Variants in SLC1A1 observed in about 807,000 individuals in gnomAD.
SLC1A1 encodes excitatory amino acid transporter 3.
SLC1A1 carries 43 observed loss-of-function variants against 53.3 expected under a neutral mutation model. That is an observed-to-expected ratio of 0.81 (90% CI 0.63 to 1.04). The LOEUF (loss-of-function observed/expected upper bound fraction) is 1.04, where lower values mean the gene tolerates loss of function less well. Ranked by LOEUF, SLC1A1 falls within the 50% of genes least tolerant of loss-of-function variation. SLC1A1 has a pLI of 0.00. For synonymous variants in SLC1A1, 307 were observed against 243.2 expected, an observed-to-expected ratio of 1.26 and a Z score of -2.44; for missense variants, 748 against 664.9, an observed-to-expected ratio of 1.12 and a Z score of -1.37.
chr9:4,508,391 TG>T (rs1319819703), intron 1 of SLC1A1, among the ~76,000 whole-genome samples: 8 of 152,288 alleles, frequency 5.3e-5, no homozygotes. Context: ...ACCCACCTGC[TG>T]GGCTCTAAGC....
chr9:4,526,976 G>C (rs1207829714), intron 1 of SLC1A1, among the ~76,000 whole-genome samples: 1 of 152,118 alleles, frequency 6.6e-6, no homozygotes, highest in Non-Finnish European at 1.5e-5. Flanking sequence ...CTAATCAGTT[G>C]ATTTTGAGTT....
intron 1 of SLC1A1, among the ~76,000 whole-genome samples, chr9:4,528,482 A>G (rs1356630826): frequency 6.6e-6 from 1 of 152,152 alleles, no homozygotes; most frequent in South Asian, 2.1e-4. Context: ...AGACTGAGGC[A>G]GGAGAATGGC....
intron 1 of SLC1A1, among the ~76,000 whole-genome samples, chr9:4,504,706 A>G (rs1165947108): frequency 6.6e-6 from 1 of 152,124 alleles, no homozygotes; most frequent in Non-Finnish European, 1.5e-5. Flanking sequence ...AAGATTTTTG[A>G]TTGTGTTATG....
chr9:4,516,196 C>T (rs1201368833), intron 1 of SLC1A1, among the ~76,000 whole-genome samples: 1 of 152,238 alleles, frequency 6.6e-6, no homozygotes, highest in East Asian at 1.9e-4. Context: ...AGCCCTTCAC[C>T]CTAGGCATCC....
intron 6 of SLC1A1, among the ~76,000 whole-genome samples, chr9:4,570,263 C>T (rs549931225): frequency 2.0e-5 from 3 of 152,342 alleles, no homozygotes; most frequent in East Asian, 3.9e-4. Context: ...GTCTCTCCAG[C>T]TGAATCTTAA....
chr9:4,517,362 G>C (rs142511284), intron 1 of SLC1A1, among the ~76,000 whole-genome samples: 232 of 152,274 alleles, frequency 1.5e-3, no homozygotes, highest in African/African-American at 5.3e-3. Flanking sequence ...CTTGTCTTCT[G>C]TCTTGTCCTG....
intron 3 of SLC1A1, among the ~76,000 whole-genome samples, chr9:4,562,428 A>C (rs983804550): frequency 7.2e-5 from 11 of 152,194 alleles, no homozygotes; most frequent in African/African-American, 2.7e-4. Flanking sequence ...GTTGAGTATA[A>C]TTATAAAATA....
rs1240649032 is a variant in SLC1A1, at chr9:4,549,842, G to C, written c.232+5135G>C. ...TTGTAGAACCTGGGAGTCTGTCCAG[G>C]TCAGGCTGGGCCAAGTCCATGCCAG... is the stretch of plus-strand genomic sequence containing the variant. On this transcript the variant is annotated intron_variant, in intron 2 of 11. Transcript: ENST00000262352. This position sits in a 1 kb window ranked among gnomAD's most constrained non-coding sequence, Gnocchi z 4.1. Among the ~76,000 whole-genome samples, 1 of 152,158 alleles carries C rather than the reference G, an allele frequency of 6.6e-6. No homozygotes were observed. Among genetic ancestry groups the C allele is most frequent in the African/African-American group, 2.4e-5 (1 of 41,422 alleles).
chr9:4,566,388 C>A (rs1819488579), intron 5 of SLC1A1, among the ~76,000 whole-genome samples: 1 of 152,160 alleles, frequency 6.6e-6, no homozygotes, highest in Non-Finnish European at 1.5e-5. Flanking sequence ...TAAAATGTGG[C>A]CTCCAGTACC....
intron 2 of SLC1A1, among the ~76,000 whole-genome samples, chr9:4,548,373 A>C (rs1214150119): frequency 2.6e-5 from 4 of 152,234 alleles, no homozygotes; most frequent in Non-Finnish European, 4.4e-5. Context: ...AGGAGGATGC[A>C]GGTGGGAAGC....
At chr9:4,543,848 AAT>A (rs1490426379) in intron 1 of SLC1A1, among the ~76,000 whole-genome samples, 1 of 152,188 alleles carries the variant, frequency 6.6e-6, no homozygotes, top group Non-Finnish European at 1.5e-5. Flanking sequence ...TTATAATAAA[AAT>A]ATGAGAAAAA....
intron 2 of SLC1A1, among the ~76,000 whole-genome samples, chr9:4,552,323 G>A (rs1413273028): frequency 6.6e-6 from 1 of 152,198 alleles, no homozygotes; most frequent in Non-Finnish European, 1.5e-5. Context: ...AATGAGGTCA[G>A]TGCAGGGGAC....
At chr9:4,545,119 A>G (rs1279093697) in intron 2 of SLC1A1, among the ~76,000 whole-genome samples, 1 of 151,688 alleles carries the variant, frequency 6.6e-6, no homozygotes, top group Non-Finnish European at 1.5e-5. Context: ...GTCATTCTCT[A>G]TGATTATTTA....
intron 2 of SLC1A1, among the ~76,000 whole-genome samples, chr9:4,557,591 G>A (rs1374962996): frequency 6.6e-6 from 1 of 151,586 alleles, no homozygotes; most frequent in East Asian, 1.9e-4. Flanking sequence ...TTCAAGACCA[G>A]CCTGGGCAAC....
intron 1 of SLC1A1, among the ~76,000 whole-genome samples, chr9:4,499,746 A>G (rs1460739522): frequency 2.0e-5 from 3 of 152,254 alleles, no homozygotes; most frequent in Non-Finnish European, 4.4e-5. Context: ...ATATCTTGTT[A>G]GATGTTGCTT....
In SLC1A1 at chr9:4,531,747, C is replaced by G. The variant is rs906358532; in HGVS notation, c.92-12820C>G. Among the ~76,000 whole-genome samples the G allele has an allele frequency of 2.6e-5, 4 of 152,172 alleles. No individual in the cohort carries two copies. In the East Asian group the frequency reaches 7.7e-4, roughly 29 times the overall value. On this transcript the variant is annotated intron_variant, in intron 1 of 11. Coordinates refer to ENST00000262352, the MANE Select transcript of SLC1A1 (RefSeq NM_004170.6). ...ACACAGCTGGACATCTGAGAACAGG[C>G]AGACAGCCTCCTCAAGTGGGTCCCT...
Position 4,583,172 on chromosome 9 carries a change from T to C in SLC1A1, c.1328T>C (p.Leu443Pro), listed in dbSNP as rs753328274. Reference sequence around the variant, plus strand: ...CTGATCATTGCTGTCGACTGGCTCCTGTGAGTTGGAATAAATGCACTGCCT... The same window carrying C: ...CTGATCATTGCTGTCGACTGGCTCCCGTGAGTTGGAATAAATGCACTGCCT... ...VTLIIAVDWLLDRFRTMVNVL... is the reference protein window; with the variant it reads ...VTLIIAVDWLPDRFRTMVNVL... The change falls in exon 11 of 12, where the codon CTG (leucine) becomes CCG (proline). Residue 443 changes from leucine (L) to proline (P), a missense_variant and splice_region_variant. Coordinates refer to ENST00000262352, the MANE Select transcript of SLC1A1 (RefSeq NM_004170.6). This position sits in a 1 kb window ranked among gnomAD's most constrained non-coding sequence, Gnocchi z 4.6. The C allele has an allele frequency of 6.2e-7, 1 of 1,614,222 alleles. No individual in the cohort carries two copies.
chr9:4,528,591 A>G lies in SLC1A1; in HGVS notation c.92-15976A>G, dbSNP rs541694909. Among the ~76,000 whole-genome samples the G allele has an allele frequency of 1.6e-4, 25 of 152,182 alleles. No homozygotes were observed. The South Asian group carries it at 4.8e-3, about 29-fold the overall frequency. On this transcript the variant is annotated intron_variant, in intron 1 of 11. Coordinates refer to ENST00000262352, the MANE Select transcript of SLC1A1 (RefSeq NM_004170.6). ...ACTCCGTCTCAAAAAACAAACAAAC[A>G]AAAAAATGCAAGTTAGATTTTCTTA... is the stretch of plus-strand genomic sequence containing the variant.
At position 4,537,600 on chromosome 9, in the gene SLC1A1, A is replaced by AAATAAAATT. The variant is rs1236896994; in HGVS notation, c.92-6965_92-6964insTAAAATTAA. Among the ~76,000 whole-genome samples, 3 of 29,768 alleles carry AAATAAAATT rather than the reference A, an allele frequency of 1.0e-4. 1 individual carries two copies. The highest frequency in any genetic ancestry group is 2.2e-4 in the Non-Finnish European group (3 of 13,466). 19.5% of individuals were successfully genotyped at this position (29,768 alleles called of 152,430 possible). On this transcript the variant is annotated intron_variant, in intron 1 of 11. Coordinates refer to ENST00000262352, the MANE Select transcript of SLC1A1 (RefSeq NM_004170.6). ...AAATAAAATAAAATAAAATAAAATA[A>AAATAAAATT]AAAAAAAAAAAATCACATGCTACAA...
Sources: allele counts gnomAD v4.1 joint callset (sites outside exome capture counted in the v4.1 genomes callset), GRCh38; gene constraint gnomAD v4.1.1; non-coding constraint Gnocchi (gnomAD v3.1); transcripts MANE v1.5; gene names NCBI Gene and HGNC (gene_info 2026-07-23, HGNC 2026-07-21).